The following OSGIN1 variants were observed in gnomAD, a reference collection of about 807,000 sequenced individuals.
OSGIN1 encodes oxidative stress-induced growth inhibitor 1.
Under a neutral mutation model 20.1 loss-of-function variants are expected in OSGIN1, and 19 were observed. The ratio of observed to expected loss-of-function variants is 0.95; its 90% CI spans 0.66 to 1.39. OSGIN1 has a LOEUF of 1.39. Among genes scored for constraint, OSGIN1 ranks in the 40% most tolerant of loss-of-function variants. The probability of loss-of-function intolerance (pLI) is 0.00; values close to 1 mark genes in which losing one functional copy is unlikely to be tolerated. For missense variants in OSGIN1, 820 were observed against 653.0 expected, an observed-to-expected ratio of 1.26 and a Z score of -2.79; for synonymous variants, 368 against 297.8, an observed-to-expected ratio of 1.24 and a Z score of -2.43.
At chr16:83,962,983 C>T (rs2084233016) in intron 5 of OSGIN1, among the ~76,000 whole-genome samples, 1 of 152,116 alleles carries the variant, frequency 6.6e-6, no homozygotes. Flanking sequence ...AGTTCTAGTC[C>T]CTGCTCCTCC....
chr16:83,957,838 T>A, intron 2 of OSGIN1, 100 bp downstream of exon 2: 1 of 443,272 alleles, frequency 2.3e-6, no homozygotes, highest in Non-Finnish European at 4.0e-6. Context: ...CTGGTGTCTT[T>A]TTTCGTTTTT....
At position 83,965,040 on chromosome 16, in the gene OSGIN1, C is replaced by T. The variant is rs377298033; in HGVS notation, c.489-22C>T. On this transcript the variant is annotated intron_variant, in intron 5 of 5. Coordinates refer to ENST00000393306, the MANE Select transcript of OSGIN1 (RefSeq NM_182981.3). The stretch of plus-strand genomic sequence containing the variant: ...AACCCCTAACAGTGTCTGACTCTGG[C>T]GTCCTGCATCCTCCCCAACAGAGGT... The T allele has an allele frequency of 2.0e-5, 24 of 1,182,964 alleles. No individual in the cohort carries two copies. In the African/African-American group the frequency reaches 2.6e-4, roughly 13 times the overall value. 73.3% of individuals were successfully genotyped at this position (1,182,964 alleles called of 1,614,324 possible). A position where few individuals can be genotyped will look rare whatever the true frequency, so the allele number is the denominator to read the frequency against.
In OSGIN1 at chr16:83,957,628, C is replaced by A. The variant is rs751398273; in HGVS notation, c.-32-12C>A. 3.6e-6 allele frequency: 5 copies of A among 1,385,596 alleles called. No homozygotes were observed. The African/African-American group carries it at 4.3e-5, about 12-fold the overall frequency. 85.8% of individuals were successfully genotyped at this position (1,385,596 alleles called of 1,614,324 possible). ...CCGAATGGACTCTTCCTTCCCCTCT[C>A]CCCCACTCCAGGTCCGCTGCCAGCC... On this transcript the variant is annotated splice_polypyrimidine_tract_variant and intron_variant, in intron 1 of 5. Transcript: ENST00000393306.
chr16:83,960,918 C>G (rs1365679311), intron 4 of OSGIN1, 63 bp from the exon 5 acceptor site: 1 of 1,556,054 alleles, frequency 6.4e-7, no homozygotes, highest in African/African-American at 1.4e-5. Context: ...CCTCCCATGC[C>G]CTCTAGCCCC....
intron 5 of OSGIN1, 22 bp from the exon 6 acceptor site, chr16:83,965,040 C>A (rs377298033): frequency 1.3e-5 from 15 of 1,182,962 alleles, no homozygotes; most frequent in Non-Finnish European, 1.8e-5. Context: ...CTGACTCTGG[C>A]GTCCTGCATC....
chr16:83,956,451 G>A (rs545229997), intron 1 of OSGIN1, among the ~76,000 whole-genome samples: 6 of 152,230 alleles, frequency 3.9e-5, no homozygotes, highest in East Asian at 1.9e-4. Flanking sequence ...TGGCCACTCT[G>A]GGTGGTCCAA....
At chr16:83,962,443 G>A (rs948957942) in intron 5 of OSGIN1, among the ~76,000 whole-genome samples, 10 of 152,218 alleles carry the variant, frequency 6.6e-5, no homozygotes, top group East Asian at 5.8e-4. Flanking sequence ...GGGTTTCACC[G>A]TGTTAGCCAG....
chr16:83,960,818 T>G, intron 4 of OSGIN1, 58 bp downstream of exon 4: 2 of 1,559,624 alleles, frequency 1.3e-6, no homozygotes, highest in Non-Finnish European at 1.8e-6. Context: ...TTCTCCCCAC[T>G]TGGGGCTGGG....
chr16:83,955,345 C>T lies in OSGIN1; in HGVS notation c.-33+1975C>T, dbSNP rs985910219. The stretch of plus-strand genomic sequence containing the variant: ...GTCCTCAGCTGTCCCTCTGCCTCCC[C>T]GCCTGCCACTAGCGCTGCGACAGAG... On this transcript the variant is annotated intron_variant, in intron 1 of 5. Coordinates refer to ENST00000393306, the MANE Select transcript of OSGIN1 (RefSeq NM_182981.3). Among the ~76,000 whole-genome samples the T allele has an allele frequency of 4.6e-5, 7 of 152,306 alleles. No homozygotes were observed. The South Asian group carries it at 1.4e-3, about 32-fold the overall frequency.
intron 2 of OSGIN1, among the ~76,000 whole-genome samples, chr16:83,958,321 A>G (rs539400235): frequency 1.8e-4 from 27 of 152,298 alleles, no homozygotes; most frequent in Non-Finnish European, 3.8e-4. Flanking sequence ...CATCAGCTGG[A>G]GGCGACCCGG....
In OSGIN1 at chr16:83,960,588, A is replaced by G; in HGVS notation, c.224A>G (p.Glu75Gly). 1 of 1,613,324 alleles carries G rather than the reference A, an allele frequency of 6.2e-7. No individual in the cohort carries two copies. The highest frequency in any genetic ancestry group is 8.5e-7 in the Non-Finnish European group (1 of 1,179,990). The change falls in exon 4 of 6, where the codon GAA (glutamate) becomes GGA (glycine). Residue 75 changes from glutamate (E) to glycine (G), a missense_variant. Coordinates refer to ENST00000393306, the MANE Select transcript of OSGIN1 (RefSeq NM_182981.3). ...CTCCAGGACCTGGACTACCTGTCCG[A>G]AGGCCTCGAAGGCCGATCCCAAAGC... is the stretch of plus-strand genomic sequence containing the variant. ...ILDQDLDYLS[E>G]GLEGRSQSPV...
chr16:83,958,204 T>C (rs1466006280), intron 2 of OSGIN1, among the ~76,000 whole-genome samples: 1 of 152,220 alleles, frequency 6.6e-6, no homozygotes, highest in Non-Finnish European at 1.5e-5. Flanking sequence ...CAGTGGTCTT[T>C]AAATTAAGCC....
chr16:83,965,104 C>T lies in OSGIN1; in HGVS notation c.531C>T (p.His177=). 6.2e-7 allele frequency: 1 copy of T among 1,612,366 alleles called. No individual in the cohort carries two copies. The highest frequency in any genetic ancestry group is 8.5e-7 in the Non-Finnish European group (1 of 1,179,256). ...NSRATAGDIA[H]YYRDYVVKKG... ...GGGCCACTGCCGGGGACATCGCCCA[C>T]TACTACAGGGACTACGTGGTCAAGA... Residue 177 remains histidine, a synonymous_variant, in exon 6 of 6, where the codon CAC becomes CAT. Coordinates refer to ENST00000393306, the MANE Select transcript of OSGIN1 (RefSeq NM_182981.3).
Position 83,960,994 on chromosome 16 carries a change from C to G in OSGIN1, c.410C>G (p.Ser137Cys), listed in dbSNP as rs775062241. The G allele has an allele frequency of 3.7e-6, 6 of 1,613,518 alleles. No individual in the cohort carries two copies. The South Asian group carries it at 5.5e-5, about 15-fold the overall frequency. Residue 137 changes from serine (S) to cysteine (C), a missense_variant, in exon 5 of 6, where the codon TCC becomes TGC. Transcript: ENST00000393306. ...CTTTCCCTGCAGTCCATCGAAGGCTCCATGGTGATCCTGAGCCAAGGCCAG... is the reference window on the plus strand; with the variant it reads ...CTTTCCCTGCAGTCCATCGAAGGCTGCATGGTGATCCTGAGCCAAGGCCAG... Reference protein sequence around the residue: ...PGGAWHSIEGSMVILSQGQWM... With the variant: ...PGGAWHSIEGCMVILSQGQWM...
chr16:83,964,928 T>C, intron 5 of OSGIN1, 134 bp from the exon 6 acceptor site: 1 of 662,100 alleles, frequency 1.5e-6, no homozygotes, highest in South Asian at 1.9e-5. Flanking sequence ...AGAGGTTGAA[T>C]TACCTGGCCT....
Position 83,959,345 on chromosome 16 carries a change from C to G in OSGIN1, c.153C>G (p.Pro51=). The change falls in exon 3 of 6, where the codon CCC becomes CCG. Residue 51 remains proline (P), a synonymous_variant. Coordinates refer to ENST00000393306, the MANE Select transcript of OSGIN1 (RefSeq NM_182981.3). ...AGCCAGATGCCATCCACCCACACCC[C>G]CTGCTGCAGAGGAAGCTCACCGAGG... ...YTKPDAIHPH[P]LLQRKLTEAP... is the part of the protein sequence containing the mutation. The G allele has an allele frequency of 3.1e-6, 5 of 1,613,928 alleles. No homozygotes were observed. In the South Asian group the frequency reaches 3.3e-5, roughly 11 times the overall value.
At position 83,965,891 on chromosome 16, in the gene OSGIN1, G is replaced by A. The variant is rs763623338; in HGVS notation, c.1318G>A (p.Glu440Lys). 3.1e-6 allele frequency: 5 copies of A among 1,612,912 alleles called. No homozygotes were observed. In the South Asian group the frequency reaches 5.5e-5, roughly 18 times the overall value. Residue 440 changes from glutamate to lysine, a missense_variant, in exon 6 of 6, where the codon GAG (glutamate) becomes AAG (lysine). Transcript: ENST00000393306. ...DPFTYQSTRQ[E>K]GLYAMGPLAG... ...CTTCACCTACCAGAGCACCCGCCAG[G>A]AGGGCCTGTACGCCATGGGGCCGCT...
At chr16:83,963,514 G>A (rs907096859) in intron 5 of OSGIN1, among the ~76,000 whole-genome samples, 14 of 152,076 alleles carry the variant, frequency 9.2e-5, no homozygotes, top group African/African-American at 2.9e-4. Flanking sequence ...CAGCCCTGGA[G>A]CATTCATTCT....
Position 83,957,678 on chromosome 16 carries a change from T to C in OSGIN1, c.7T>C (p.Ser3Pro). 1 of 1,604,094 alleles carries C rather than the reference T, an allele frequency of 6.2e-7. No homozygotes were observed. The highest frequency in any genetic ancestry group is 8.5e-7 in the Non-Finnish European group (1 of 1,175,178). The change falls in exon 2 of 6, where the codon TCC (serine) becomes CCC (proline). Residue 3 changes from serine (S) to proline (P), a missense_variant. Physicochemically the swap from Ser to Pro is moderately conservative, Grantham distance 74 (BLOSUM62 -1). Coordinates refer to ENST00000393306, the MANE Select transcript of OSGIN1 (RefSeq NM_182981.3). MS[S>P]SRKDHLGASS... ...CCCAAGCCCCCCACCAGCCATGAGC[T>C]CCTCCAGAAAGGACCACCTCGGCGC...
Sources: allele counts gnomAD v4.1 joint callset (sites outside exome capture counted in the v4.1 genomes callset), GRCh38; gene constraint gnomAD v4.1.1; transcripts MANE v1.5; gene names NCBI Gene and HGNC (gene_info 2026-07-23, HGNC 2026-07-21).